The following KDM4C variants were observed in gnomAD, a reference collection of about 807,000 sequenced individuals.
The protein encoded by KDM4C is lysine demethylase 4C.
In KDM4C, 81 loss-of-function variants were observed where a neutral mutation model predicts 129.3. That is an observed-to-expected ratio of 0.63 (90% CI 0.52 to 0.75). The LOEUF is 0.75. KDM4C is among the 30% of genes least tolerant of loss of function. KDM4C has a pLI of 0.00. For synonymous variants in KDM4C, 573 were observed against 456.1 expected (o/e 1.26, Z -3.26); for missense variants, 1,457 against 1,304.0 (o/e 1.12, Z -1.81).
chr9:7,149,324 C>T (rs1842513362), intron 19 of KDM4C, among the ~76,000 whole-genome samples: 1 of 152,218 alleles, frequency 6.6e-6, no homozygotes, highest in Non-Finnish European at 1.5e-5. Flanking sequence ...GAGTGCATAC[C>T]AGGAGCGGGG....
chr9:6,750,481 G>T (rs1206324918), intron 1 of KDM4C, among the ~76,000 whole-genome samples: 4 of 151,038 alleles, frequency 2.6e-5, no homozygotes, highest in Admixed American at 2.6e-4. Flanking sequence ...AGCACTTGAA[G>T]CGAAAGTGAA....
At chr9:6,819,440 T>C (rs186475093) in intron 4 of KDM4C, among the ~76,000 whole-genome samples, 77 of 152,376 alleles carry the variant, frequency 5.1e-4, no homozygotes, top group Admixed American at 2.4e-3. Context: ...CCTCATCGTT[T>C]ACAGGTTTTA....
rs148395234 is a variant in KDM4C, at chr9:6,847,496, T to C, written c.436-2011T>C. Reference sequence around the variant, plus strand: ...TCACTGCAAACACCTCCCGGGGCCGTTCTCCTGCCTCAGCCTCCCGAGTGG... The same window carrying C: ...TCACTGCAAACACCTCCCGGGGCCGCTCTCCTGCCTCAGCCTCCCGAGTGG... On this transcript the variant is annotated intron_variant, in intron 4 of 21. Transcript: ENST00000381309. Among the ~76,000 whole-genome samples the C allele has an allele frequency of 2.1e-3, 324 of 152,070 alleles. 3 individuals carry two copies. The highest frequency in any genetic ancestry group is 6.4e-3 in the African/African-American group (265 of 41,492).
chr9:6,864,362 T>A (rs562451745), intron 5 of KDM4C, among the ~76,000 whole-genome samples: 2 of 152,238 alleles, frequency 1.3e-5, no homozygotes, highest in Non-Finnish European at 2.9e-5. Flanking sequence ...TTGAGAGATC[T>A]GTTGCCAGGC....
chr9:6,930,534 ATG>A (rs1473481395), intron 8 of KDM4C, among the ~76,000 whole-genome samples: 1 of 102,304 alleles, frequency 9.8e-6, no homozygotes, highest in African/African-American at 3.4e-5. Flanking sequence ...ATATGAATAT[ATG>A]TGTTATATAT....
chr9:6,726,924 A>T (rs1030698439), intron 1 of KDM4C: 3 of 151,960 alleles, frequency 2.0e-5, no homozygotes, highest in African/African-American at 7.2e-5. Flanking sequence ...TAGTAGAGAT[A>T]GGATTTCGCC....
intron 19 of KDM4C, among the ~76,000 whole-genome samples, chr9:7,156,149 G>C (rs931783401): frequency 6.6e-6 from 1 of 152,182 alleles, no homozygotes; most frequent in Non-Finnish European, 1.5e-5. Context: ...CTGCATAAGT[G>C]TCTTCTTTTG....
chr9:6,952,790 C>G (rs1248377139), intron 8 of KDM4C, among the ~76,000 whole-genome samples: 2 of 152,100 alleles, frequency 1.3e-5, no homozygotes, highest in African/African-American at 2.4e-5. Context: ...GTTCCAGTGA[C>G]ATAAGTGCTC....
intron 15 of KDM4C, among the ~76,000 whole-genome samples, chr9:7,020,933 A>G (rs1447080711): frequency 7.5e-6 from 1 of 133,272 alleles, no homozygotes; most frequent in Non-Finnish European, 1.6e-5. Context: ...TTTTGTACCC[A>G]TTAACCATTC....
intron 19 of KDM4C, among the ~76,000 whole-genome samples, chr9:7,150,576 C>T (rs1415930231): frequency 6.6e-6 from 1 of 152,126 alleles, no homozygotes; most frequent in Non-Finnish European, 1.5e-5. Flanking sequence ...CAGTCCCTGG[C>T]CCAGAGGACA....
intron 19 of KDM4C, among the ~76,000 whole-genome samples, chr9:7,139,328 A>C (rs1453967556): frequency 6.6e-6 from 1 of 152,198 alleles, no homozygotes; most frequent in African/African-American, 2.4e-5. Flanking sequence ...TATGTGTTAT[A>C]TTATCATTCT....
intron 17 of KDM4C, among the ~76,000 whole-genome samples, chr9:7,068,686 C>CTTTTT (rs542039227): frequency 1.8e-4 from 18 of 101,760 alleles, no homozygotes; most frequent in African/African-American, 3.5e-4. Flanking sequence ...GATGCCCTTT[C>CTTTTT]TTTTTTTTTT....
intron 1 of KDM4C, among the ~76,000 whole-genome samples, chr9:6,774,288 C>T (rs1822538013): frequency 6.6e-6 from 1 of 152,126 alleles, no homozygotes; most frequent in Non-Finnish European, 1.5e-5. Flanking sequence ...GGTTTGTCTT[C>T]CTTTAGGTAA....
intron 12 of KDM4C, among the ~76,000 whole-genome samples, chr9:6,997,202 G>T (rs1009991912): frequency 1.3e-5 from 2 of 152,146 alleles, no homozygotes; most frequent in Non-Finnish European, 2.9e-5. Flanking sequence ...GGGGGAAAGT[G>T]ACAGCTGATT....
At chr9:7,086,958 AC>A (rs1161301225) in intron 17 of KDM4C, among the ~76,000 whole-genome samples, 1 of 152,104 alleles carries the variant, frequency 6.6e-6, no homozygotes, top group Non-Finnish European at 1.5e-5. Context: ...CTCTGAGCTC[AC>A]CGTTGTACTC....
chr9:6,786,772 A>T (rs1588255981), intron 1 of KDM4C, among the ~76,000 whole-genome samples: 1 of 152,198 alleles, frequency 6.6e-6, no homozygotes, highest in Admixed American at 6.5e-5. Context: ...ATTTATTAAT[A>T]TAAATACCTT....
At chr9:7,086,522 C>T (rs1025193315) in intron 17 of KDM4C, among the ~76,000 whole-genome samples, 11 of 152,096 alleles carry the variant, frequency 7.2e-5, no homozygotes, top group Non-Finnish European at 1.3e-4. Flanking sequence ...AGACGCCCAC[C>T]CTCATTCTCA....
At chr9:6,955,920 C>T (rs1293263515) in intron 8 of KDM4C, among the ~76,000 whole-genome samples, 1 of 152,196 alleles carries the variant, frequency 6.6e-6, no homozygotes, top group East Asian at 1.9e-4. Context: ...AACCAGTTGT[C>T]TTTAGCTAGG....
intron 8 of KDM4C, among the ~76,000 whole-genome samples, chr9:6,936,224 C>T (rs934898973): frequency 4.6e-5 from 7 of 152,068 alleles, no homozygotes; most frequent in South Asian, 2.1e-4. Context: ...TTGTATGTTT[C>T]GTTTTTAAAC....
Sources: allele counts gnomAD v4.1 joint callset (sites outside exome capture counted in the v4.1 genomes callset), GRCh38; gene constraint gnomAD v4.1.1; transcripts MANE v1.5; gene names NCBI Gene and HGNC (gene_info 2026-07-23, HGNC 2026-07-21).